KCNIP4: variants seen among roughly 807,000 people sequenced by gnomAD.
The protein encoded by KCNIP4 is Kv channel-interacting protein 4.
A neutral mutation model predicts 34.0 loss-of-function variants in KCNIP4; 12 were observed. The observed-to-expected ratio is 0.35, with a 90% CI of 0.23 to 0.57. The LOEUF is 0.57. KCNIP4 is among the 20% of genes least tolerant of loss of function. The pLI is 0.83. For missense variants in KCNIP4, 238 were observed against 311.7 expected (o/e 0.76, Z 1.78); for synonymous variants, 124 against 102.2 (o/e 1.21, Z -1.29).
chr4:21,671,663 C>A (rs1749510786), intron 1 of KCNIP4, among the ~76,000 whole-genome samples: 1 of 152,112 alleles, frequency 6.6e-6, no homozygotes, highest in Non-Finnish European at 1.5e-5. Flanking sequence ...GATGGAGCCC[C>A]TATTCTGAGA....
At chr4:20,807,781 A>G (rs1445983262) in intron 3 of KCNIP4, among the ~76,000 whole-genome samples, 1 of 152,166 alleles carries the variant, frequency 6.6e-6, no homozygotes, top group Non-Finnish European at 1.5e-5. Flanking sequence ...TAAAAGCACA[A>G]ACAGACCATT....
In KCNIP4 at chr4:21,211,069, T is replaced by A. The variant is rs115459958; in HGVS notation, c.62-328360A>T. On this transcript the variant is annotated intron_variant, in intron 1 of 8. Transcript: ENST00000382152. ...GAATTTGACTTCTAGTGACATAATC[T>A]CTTACCAGGTGATAGGTTGGTCATG... Among the ~76,000 whole-genome samples the A allele has an allele frequency of 7.3e-3, 1,108 of 152,294 alleles. 14 individuals are homozygous for A. The highest frequency in any genetic ancestry group is 8.0e-3 in the Non-Finnish European group (545 of 68,024).
intron 1 of KCNIP4, among the ~76,000 whole-genome samples, chr4:21,659,258 A>G (rs1053245668): frequency 6.6e-6 from 1 of 152,176 alleles, no homozygotes; most frequent in South Asian, 2.1e-4. Context: ...TGAAGTTAAA[A>G]CTAATTTTTA....
At chr4:20,823,263 G>A (rs1717332577) in intron 3 of KCNIP4, among the ~76,000 whole-genome samples, 1 of 152,138 alleles carries the variant, frequency 6.6e-6, no homozygotes, top group Non-Finnish European at 1.5e-5. Flanking sequence ...GCATCAGAGT[G>A]GAATATGGGA....
chr4:21,832,575 ATTTTTTTTATTT>A (rs1309302668), intron 1 of KCNIP4, among the ~76,000 whole-genome samples: 469 of 36,320 alleles, frequency 0.013, 7 homozygotes, highest in Non-Finnish European at 0.018. Flanking sequence ...TTTTGTTTTT[ATTTTTTTTATTT>A]TTTTTTTTAT....
intron 1 of KCNIP4, among the ~76,000 whole-genome samples, chr4:21,737,008 A>T (rs1344640160): frequency 7.1e-6 from 1 of 140,564 alleles, no homozygotes; most frequent in Non-Finnish European, 1.6e-5. Flanking sequence ...CCTAGAACTT[A>T]AAGTATAATA....
chr4:20,731,739 C>G, intron 8 of KCNIP4: 1 of 985,342 alleles, frequency 1.0e-6, no homozygotes, highest in Non-Finnish European at 1.2e-6. Flanking sequence ...TGAATACTCT[C>G]TAAGGAATTT....
chr4:21,486,178 A>G (rs986566653), intron 1 of KCNIP4, among the ~76,000 whole-genome samples: 1 of 152,140 alleles, frequency 6.6e-6, no homozygotes, highest in Non-Finnish European at 1.5e-5. Context: ...TGATTATTAC[A>G]AAGAATCTTG....
At chr4:21,141,058 T>C (rs1249243379) in intron 1 of KCNIP4, among the ~76,000 whole-genome samples, 1 of 152,202 alleles carries the variant, frequency 6.6e-6, no homozygotes, top group African/African-American at 2.4e-5. Flanking sequence ...ACAGAACAAG[T>C]CAGACAAACT....
rs1740612635 is a variant in KCNIP4, at chr4:21,574,685, C to T, written c.61+373886G>A. 2.6e-5 allele frequency among the ~76,000 whole-genome samples: 4 copies of T among 152,064 alleles called. No homozygotes were observed. In the South Asian group the frequency reaches 8.3e-4, roughly 32 times the overall value. ...TTGAGAGTGTAAGGCAGAGTGTACA[C>T]TTGAAGAGCTGGATAATATGAACCA... On this transcript the variant is annotated intron_variant, in intron 1 of 8. Coordinates refer to ENST00000382152, the MANE Select transcript of KCNIP4 (RefSeq NM_025221.6).
At chr4:21,747,581 A>G (rs1026812404) in intron 1 of KCNIP4, among the ~76,000 whole-genome samples, 2 of 152,148 alleles carry the variant, frequency 1.3e-5, no homozygotes, top group East Asian at 3.9e-4. Context: ...AGTACACTCA[A>G]TCTTGGAGTT....
intron 1 of KCNIP4, among the ~76,000 whole-genome samples, chr4:21,050,426 G>A (rs867677957): frequency 9.9e-5 from 15 of 151,328 alleles, no homozygotes; most frequent in South Asian, 2.1e-4. Flanking sequence ...ACATTTTCTC[G>A]GTATCAATAA....
intron 1 of KCNIP4, among the ~76,000 whole-genome samples, chr4:21,215,959 G>C (rs1757547080): frequency 6.6e-6 from 1 of 152,004 alleles, no homozygotes; most frequent in African/African-American, 2.4e-5. Flanking sequence ...GGGACCACAG[G>C]CATGTGCCTT....
intron 1 of KCNIP4, among the ~76,000 whole-genome samples, chr4:21,219,714 G>A (rs1301022150): frequency 1.3e-5 from 2 of 152,050 alleles, no homozygotes; most frequent in Non-Finnish European, 2.9e-5. Flanking sequence ...ACAGCAGGAA[G>A]GTTTCAAGTG....
At chr4:21,927,734 T>A (rs1729339443) in intron 1 of KCNIP4, among the ~76,000 whole-genome samples, 1 of 152,180 alleles carries the variant, frequency 6.6e-6, no homozygotes, top group African/African-American at 2.4e-5. Context: ...GTGGGAGATG[T>A]ATCAGTCTTC....
chr4:20,760,435 AACTT>A (rs778724018), intron 3 of KCNIP4, among the ~76,000 whole-genome samples: 4 of 152,156 alleles, frequency 2.6e-5, no homozygotes, highest in African/African-American at 7.2e-5. Flanking sequence ...CTCACTAATA[AACTT>A]ACTTTCTTTA....
chr4:21,726,621 C>T (rs1715214490), intron 1 of KCNIP4, among the ~76,000 whole-genome samples: 1 of 152,172 alleles, frequency 6.6e-6, no homozygotes, highest in Non-Finnish European at 1.5e-5. Context: ...AGATTAGATT[C>T]CACGTCCCTG....
chr4:21,086,538 C>G (rs1746447848), intron 1 of KCNIP4, among the ~76,000 whole-genome samples: 1 of 152,092 alleles, frequency 6.6e-6, no homozygotes, highest in Non-Finnish European at 1.5e-5. Flanking sequence ...GCTTACTGTA[C>G]TTTTTCTCAT....
At chr4:21,011,317 G>A (rs967813183) in intron 1 of KCNIP4, among the ~76,000 whole-genome samples, 4 of 152,144 alleles carry the variant, frequency 2.6e-5, no homozygotes, top group African/African-American at 9.7e-5. Flanking sequence ...TACAACTCTT[G>A]TTTCTGAAAT....
Sources: allele counts gnomAD v4.1 joint callset (sites outside exome capture counted in the v4.1 genomes callset), GRCh38; gene constraint gnomAD v4.1.1; transcripts MANE v1.5; gene names NCBI Gene and HGNC (gene_info 2026-07-23, HGNC 2026-07-21).